Variants in LRP1B observed in about 807,000 individuals in gnomAD.
LRP1B encodes the protein LDL receptor related protein 1B.
In LRP1B, 217 loss-of-function variants were observed where a neutral mutation model predicts 556.6. The observed-to-expected ratio is 0.39, with a 90% CI of 0.35 to 0.44. The LOEUF (loss-of-function observed/expected upper bound fraction) is 0.44, where lower values mean the gene tolerates loss of function less well. LRP1B is among the 20% of genes least tolerant of loss of function. The probability of loss-of-function intolerance (pLI) is 1.00; values close to 1 mark genes in which losing one functional copy is unlikely to be tolerated. For missense variants in LRP1B, 5,053 were observed against 5,620.8 expected (o/e 0.90, Z 3.23); for synonymous variants, 2,047 against 1,865.8 (o/e 1.10, Z -2.50).
At chr2:140,325,709 T>G in intron 80 of LRP1B, 53 bp downstream of exon 80, 1 of 1,181,254 alleles carries the variant, frequency 8.5e-7, no homozygotes, top group East Asian at 2.4e-5. Context: ...TTTGTATTAG[T>G]ATTTAACACT....
At chr2:140,684,426 C>T (rs2105384767) in intron 41 of LRP1B, among the ~76,000 whole-genome samples, 1 of 152,312 alleles carries the variant, frequency 6.6e-6, no homozygotes, top group Non-Finnish European at 1.5e-5. Flanking sequence ...CAGACACTTG[C>T]TGTTCCAGGC....
intron 66 of LRP1B, among the ~76,000 whole-genome samples, chr2:140,429,140 G>A (rs1162383312): frequency 6.6e-6 from 1 of 152,094 alleles, no homozygotes; most frequent in Non-Finnish European, 1.5e-5. Flanking sequence ...CAATCCTGCA[G>A]CACGCTTTAA....
chr2:140,655,886 T>C (rs1034522725), intron 41 of LRP1B, among the ~76,000 whole-genome samples: 1 of 150,752 alleles, frequency 6.6e-6, no homozygotes, highest in Non-Finnish European at 1.5e-5. Context: ...GAGCTTGCAG[T>C]GAGACGAGAT....
chr2:140,859,330 G>C (rs1424249354), intron 27 of LRP1B, among the ~76,000 whole-genome samples: 3 of 152,056 alleles, frequency 2.0e-5, no homozygotes, highest in African/African-American at 4.8e-5. Context: ...TCATCCTTCA[G>C]GTTTTGTAAG....
intron 43 of LRP1B, chr2:140,586,760 T>TA (rs999519241): frequency 1.3e-5 from 2 of 151,994 alleles, no homozygotes; most frequent in Admixed American, 1.3e-4. Context: ...GAAAGACAGT[T>TA]AAAAACAGAA....
At chr2:142,092,506 T>C (rs1333704923) in intron 1 of LRP1B, among the ~76,000 whole-genome samples, 1 of 152,080 alleles carries the variant, frequency 6.6e-6, no homozygotes, top group African/African-American at 2.4e-5. Context: ...AATTAATAGA[T>C]ATGGTAGAAA....
chr2:141,077,468 C>A (rs978491478), intron 7 of LRP1B, among the ~76,000 whole-genome samples: 8 of 152,080 alleles, frequency 5.3e-5, no homozygotes, highest in African/African-American at 1.9e-4. Flanking sequence ...ATATCAGGTT[C>A]TATGATATTC....
intron 2 of LRP1B, among the ~76,000 whole-genome samples, chr2:141,481,568 A>G (rs1682918948): frequency 6.6e-6 from 1 of 152,200 alleles, no homozygotes; most frequent in Admixed American, 6.6e-5. Context: ...CATGTATAAA[A>G]TGAAACTATC....
At chr2:141,172,547 A>G (rs1680546660) in intron 7 of LRP1B, among the ~76,000 whole-genome samples, 3 of 152,058 alleles carry the variant, frequency 2.0e-5, no homozygotes, top group African/African-American at 7.2e-5. Flanking sequence ...AATCACAATC[A>G]TACTTTAGCC....
At chr2:141,797,236 C>T (rs1333962697) in intron 2 of LRP1B, among the ~76,000 whole-genome samples, 1 of 141,736 alleles carries the variant, frequency 7.1e-6, no homozygotes, top group South Asian at 2.2e-4. Context: ...ATATCTGAAA[C>T]TGCCTATGGA....
chr2:140,599,942 A>G (rs1465711705), intron 42 of LRP1B, among the ~76,000 whole-genome samples: 3 of 152,152 alleles, frequency 2.0e-5, no homozygotes, highest in African/African-American at 7.2e-5. Flanking sequence ...TAATCTATTA[A>G]CATACAATGG....
chr2:140,367,451 G>A (rs1682812841), intron 71 of LRP1B, among the ~76,000 whole-genome samples: 1 of 151,670 alleles, frequency 6.6e-6, no homozygotes, highest in Admixed American at 6.6e-5. Context: ...ATCCACCAAA[G>A]TGAATATCAC....
At chr2:141,312,817 T>C (rs559716784) in intron 3 of LRP1B, among the ~76,000 whole-genome samples, 1 of 152,046 alleles carries the variant, frequency 6.6e-6, no homozygotes, top group African/African-American at 2.4e-5. Context: ...GCCTCCTGAG[T>C]AGCTGAGATT....
chr2:140,901,594 T>C (rs1214266709), intron 23 of LRP1B, among the ~76,000 whole-genome samples: 1 of 152,216 alleles, frequency 6.6e-6, no homozygotes. Flanking sequence ...CTTAGTTATT[T>C]TAAAATGTAC....
At chr2:140,360,133 A>T (rs1013238451) in intron 72 of LRP1B, among the ~76,000 whole-genome samples, 2 of 151,704 alleles carry the variant, frequency 1.3e-5, no homozygotes, top group Admixed American at 1.3e-4. Context: ...GTAACCATTT[A>T]TTCTACATTT....
chr2:141,930,970 T>A (rs995521417), intron 1 of LRP1B, among the ~76,000 whole-genome samples: 3 of 152,038 alleles, frequency 2.0e-5, no homozygotes, highest in African/African-American at 4.8e-5. Context: ...GACTTCATGC[T>A]CTTTCACAGC....
intron 1 of LRP1B, among the ~76,000 whole-genome samples, chr2:142,111,333 A>C (rs546257361): frequency 5.3e-5 from 8 of 152,168 alleles, no homozygotes; most frequent in African/African-American, 1.9e-4. Context: ...TAAAGCCTGC[A>C]TTTGAGGACA....
At chr2:140,248,440 C>A (rs1681262178) in intron 86 of LRP1B, among the ~76,000 whole-genome samples, 1 of 151,536 alleles carries the variant, frequency 6.6e-6, no homozygotes, top group Non-Finnish European at 1.5e-5. Flanking sequence ...TGATTCAGGG[C>A]ATCACTCATA....
At chr2:141,458,812 C>T (rs1416547934) in intron 3 of LRP1B, among the ~76,000 whole-genome samples, 4 of 152,120 alleles carry the variant, frequency 2.6e-5, no homozygotes, top group Admixed American at 6.5e-5. Context: ...CAACATCAGT[C>T]CTATTTCATA....
Sources: gnomAD v4.1 joint callset for allele counts (sites outside exome capture counted in the v4.1 genomes callset) on GRCh38, gnomAD v4.1.1 for gene constraint, MANE v1.5 for transcripts, NCBI Gene and HGNC (gene_info 2026-07-23, HGNC 2026-07-21) for gene names.